PCBD2: variants seen among roughly 807,000 people sequenced by gnomAD.
The protein encoded by PCBD2 is pterin-4 alpha-carbinolamine dehydratase 2.
A neutral mutation model predicts 16.4 loss-of-function variants in PCBD2; 12 were observed. The observed-to-expected ratio is 0.73, with a 90% CI of 0.47 to 1.19. The LOEUF (loss-of-function observed/expected upper bound fraction) is 1.19, where lower values mean the gene tolerates loss of function less well. PCBD2 is among the 50% of genes most tolerant of loss of function. The probability of loss-of-function intolerance (pLI) is 0.00; values close to 1 mark genes in which losing one functional copy is unlikely to be tolerated. For missense variants in PCBD2, 138 were observed against 156.8 expected, an observed-to-expected ratio of 0.88 and a Z score of 0.64; for synonymous variants, 58 against 61.8, an observed-to-expected ratio of 0.94 and a Z score of 0.29.
chr5:134,918,041 C>T (rs1212052395), intron 2 of PCBD2, among the ~76,000 whole-genome samples: 1 of 152,194 alleles, frequency 6.6e-6, no homozygotes, highest in Non-Finnish European at 1.5e-5. Context: ...GTCTCGATAG[C>T]TCTCATTGTG....
chr5:134,955,278 C>T (rs375932765), intron 2 of PCBD2, among the ~76,000 whole-genome samples: 10 of 145,288 alleles, frequency 6.9e-5, no homozygotes, highest in Non-Finnish European at 1.4e-4. Flanking sequence ...TTGGGGGTTT[C>T]GTATTTTTGT....
chr5:134,918,948 C>T (rs564978979), intron 2 of PCBD2, among the ~76,000 whole-genome samples: 31 of 152,014 alleles, frequency 2.0e-4, no homozygotes, highest in Non-Finnish European at 4.6e-4. Context: ...CTAGACCTGG[C>T]GTGTATTTGT....
chr5:134,937,978 G>A (rs1200316976), intron 2 of PCBD2, among the ~76,000 whole-genome samples: 2 of 152,128 alleles, frequency 1.3e-5, no homozygotes, highest in African/African-American at 2.4e-5. Flanking sequence ...GAAGGAAACT[G>A]TGTCTTGAAA....
chr5:134,927,972 ATG>A, intron 2 of PCBD2: 1 of 396,522 alleles, frequency 2.5e-6, no homozygotes, highest in Non-Finnish European at 4.5e-6. Context: ...GATTCAAATT[ATG>A]TGTTTTTTGG....
At chr5:134,919,555 A>G (rs1383503972) in intron 2 of PCBD2, among the ~76,000 whole-genome samples, 1 of 152,240 alleles carries the variant, frequency 6.6e-6, no homozygotes, top group East Asian at 1.9e-4. Flanking sequence ...GAAGCACTTT[A>G]GATGAGATTA....
intron 2 of PCBD2, among the ~76,000 whole-genome samples, chr5:134,915,686 A>G (rs1194948428): frequency 1.3e-5 from 2 of 151,944 alleles, no homozygotes; most frequent in Non-Finnish European, 1.5e-5. Flanking sequence ...CCTGGGCTCA[A>G]GTGATCCTCC....
At chr5:134,951,275 A>T (rs191009788) in intron 2 of PCBD2, among the ~76,000 whole-genome samples, 103 of 152,290 alleles carry the variant, frequency 6.8e-4, no homozygotes, top group African/African-American at 2.4e-3. Flanking sequence ...ATGCTTCATG[A>T]ACTATTGTTA....
In PCBD2 at chr5:134,957,919, G is replaced by A. The variant is rs1297771202; in HGVS notation, c.217-1121G>A. Among the ~76,000 whole-genome samples the A allele has an allele frequency of 2.6e-5, 4 of 152,208 alleles. No homozygotes were observed. The East Asian group carries it at 7.7e-4, about 29-fold the overall frequency. The stretch of plus-strand genomic sequence containing the variant: ...CCCAAATAAAATTGGCTCCGAGAGA[G>A]GTACCATAGTGAATGATATAGAATT... On this transcript the variant is annotated intron_variant, in intron 2 of 3. Coordinates refer to ENST00000254908, the MANE Select transcript of PCBD2 (RefSeq NM_032151.5).
At chr5:134,945,784 C>T (rs181062372) in intron 2 of PCBD2, among the ~76,000 whole-genome samples, 54 of 152,228 alleles carry the variant, frequency 3.5e-4, no homozygotes, top group Admixed American at 5.9e-4. Context: ...ACATTTTCTG[C>T]GCAAAGCACT....
At chr5:134,932,828 G>A (rs765245052) in intron 2 of PCBD2, among the ~76,000 whole-genome samples, 6 of 151,888 alleles carry the variant, frequency 4.0e-5, no homozygotes, top group Non-Finnish European at 7.4e-5. Flanking sequence ...TAAGCTTGTG[G>A]GTGAGTCTCT....
intron 2 of PCBD2, among the ~76,000 whole-genome samples, chr5:134,951,553 A>G (rs1017096886): frequency 6.6e-6 from 1 of 152,206 alleles, no homozygotes. Context: ...AGGCATGGAC[A>G]TTTTCAGTTT....
intron 1 of PCBD2, 175 bp downstream of exon 1, chr5:134,905,398 C>G (rs985630821): frequency 1.1e-5 from 5 of 474,872 alleles, no homozygotes; most frequent in African/African-American, 1.0e-4. Flanking sequence ...GTGCGCCGCT[C>G]AGAGACCGGG....
At chr5:134,910,548 C>T in intron 2 of PCBD2, 82 bp downstream of exon 2, 1 of 1,477,590 alleles carries the variant, frequency 6.8e-7, no homozygotes, top group Non-Finnish European at 9.3e-7. Flanking sequence ...TGCCAGTTGT[C>T]TGGTCCCATG....
chr5:134,933,969 T>TAA (rs757759126), intron 2 of PCBD2, among the ~76,000 whole-genome samples: 9 of 152,194 alleles, frequency 5.9e-5, no homozygotes, highest in Non-Finnish European at 1.3e-4. Flanking sequence ...AATATTTCTC[T>TAA]TTTAGAGAGT....
At chr5:134,950,799 G>A (rs1751350756) in intron 2 of PCBD2, among the ~76,000 whole-genome samples, 1 of 152,146 alleles carries the variant, frequency 6.6e-6, no homozygotes, top group African/African-American at 2.4e-5. Flanking sequence ...AGGAAAGACT[G>A]AAACTATTAT....
chr5:134,939,117 A>G (rs1751194594), intron 2 of PCBD2, among the ~76,000 whole-genome samples: 2 of 152,192 alleles, frequency 1.3e-5, no homozygotes, highest in Non-Finnish European at 2.9e-5. Flanking sequence ...TATACTTACT[A>G]TTTAAAGGAA....
chr5:134,938,537 C>T (rs1374175605), intron 2 of PCBD2, among the ~76,000 whole-genome samples: 1 of 152,006 alleles, frequency 6.6e-6, no homozygotes, highest in East Asian at 1.9e-4. Flanking sequence ...TGCTTGGGAG[C>T]TTTATGTGTT....
At chr5:134,907,838 G>A (rs908470004) in intron 1 of PCBD2, among the ~76,000 whole-genome samples, 2 of 151,176 alleles carry the variant, frequency 1.3e-5, no homozygotes, top group Non-Finnish European at 2.9e-5. Context: ...TGGCCAGGCT[G>A]GTCTTGAACT....
intron 3 of PCBD2, among the ~76,000 whole-genome samples, 196 bp from the exon 4 acceptor site, chr5:134,960,390 A>G (rs1349242573): frequency 1.3e-5 from 2 of 152,150 alleles, no homozygotes; most frequent in Admixed American, 6.5e-5. Flanking sequence ...AGCCAGGCCT[A>G]ATGTAGACTA....
Sources: allele counts gnomAD v4.1 joint callset (sites outside exome capture counted in the v4.1 genomes callset), GRCh38; gene constraint gnomAD v4.1.1; transcripts MANE v1.5; gene names NCBI Gene and HGNC (gene_info 2026-07-23, HGNC 2026-07-21).